Variants in NCKAP5L observed in about 807,000 individuals in gnomAD.
NCKAP5L encodes the protein NCK associated protein 5 like, also known as nck-associated protein 5-like.
NCKAP5L carries 54 observed loss-of-function variants against 103.2 expected under a neutral mutation model. The ratio of observed to expected loss-of-function variants is 0.52; its 90% confidence interval spans 0.42 to 0.66. The LOEUF is 0.66. Ranked by LOEUF, NCKAP5L falls within the 30% of genes least tolerant of loss-of-function variation. The pLI is 0.00. For missense variants in NCKAP5L, 1,733 were observed against 1,750.6 expected (o/e 0.99, Z 0.18); for synonymous variants, 762 against 748.6 (o/e 1.02, Z -0.29).
intron 1 of NCKAP5L, among the ~76,000 whole-genome samples, chr12:49,818,702 C>T (rs561231114): frequency 7.9e-5 from 12 of 151,774 alleles, no homozygotes; most frequent in Admixed American, 5.9e-4. Flanking sequence ...AGTGGGTATA[C>T]GAAAAAATGC....
chr12:49,813,691 C>T (rs1472722202), intron 1 of NCKAP5L, among the ~76,000 whole-genome samples: 4 of 152,106 alleles, frequency 2.6e-5, no homozygotes, highest in African/African-American at 9.7e-5. Context: ...CCACACCTGA[C>T]TAATTTTTGT....
chr12:49,818,144 A>C (rs1365331027), intron 1 of NCKAP5L, among the ~76,000 whole-genome samples: 7 of 151,998 alleles, frequency 4.6e-5, no homozygotes, highest in Admixed American at 2.0e-4. Flanking sequence ...AAAAAAAAAA[A>C]AACAAAAAAA....
chr12:49,816,704 G>T (rs1196724993), intron 1 of NCKAP5L, among the ~76,000 whole-genome samples: 2 of 151,446 alleles, frequency 1.3e-5, no homozygotes, highest in Admixed American at 6.6e-5. Context: ...GGCTGAGGCA[G>T]AAGAATTGCT....
At chr12:49,826,468 G>A (rs1946417567) in intron 1 of NCKAP5L, among the ~76,000 whole-genome samples, 1 of 152,122 alleles carries the variant, frequency 6.6e-6, no homozygotes, top group Non-Finnish European at 1.5e-5. Flanking sequence ...TTAGAATAAG[G>A]GAATCTGTTC....
At chr12:49,802,084 A>G in intron 5 of NCKAP5L, 117 bp from the exon 6 acceptor site, 1 of 1,238,384 alleles carries the variant, frequency 8.1e-7, no homozygotes, top group Non-Finnish European at 1.1e-6. Flanking sequence ...TTCTGGGCAC[A>G]CACTTCCGCT....
In NCKAP5L at chr12:49,792,886, G is replaced by A. The variant is rs1430580966; in HGVS notation, c.3441C>T (p.Thr1147=). 1.3e-6 allele frequency: 2 copies of A among 1,541,174 alleles called. No homozygotes were observed. Among genetic ancestry groups the A allele is most frequent in the African/African-American group, 2.7e-5 (2 of 73,472 alleles). ...GTGGGGGATCCAGCCGCGGTGGCTT[G>A]GTCTTAGGAAGATTCTTGCTGGGGG... ...SGTPSKNLPK[T]KPPRLDPPPG... Residue 1147 remains threonine, a synonymous_variant, in exon 11 of 13, where the codon ACC becomes ACT. Transcript: ENST00000335999. The surrounding 1 kb of genome is among the most constrained non-coding windows in gnomAD (Gnocchi z 4.5).
At chr12:49,810,487 A>G (rs1946228442) in intron 1 of NCKAP5L, among the ~76,000 whole-genome samples, 1 of 152,156 alleles carries the variant, frequency 6.6e-6, no homozygotes, top group Admixed American at 6.5e-5. Flanking sequence ...AGTGGTTCCC[A>G]CAGTGGGGCC....
At chr12:49,825,535 C>A (rs1946406826) in intron 1 of NCKAP5L, among the ~76,000 whole-genome samples, 1 of 152,116 alleles carries the variant, frequency 6.6e-6, no homozygotes, top group Non-Finnish European at 1.5e-5. Context: ...GAGCCACACC[C>A]CAAGAGGGAA....
intron 7 of NCKAP5L, among the ~76,000 whole-genome samples, chr12:49,798,128 C>A (rs1449537476): frequency 3.3e-5 from 5 of 152,214 alleles, no homozygotes; most frequent in Non-Finnish European, 7.3e-5. Context: ...CAGTGCCTGG[C>A]ATGCAGTAAG....
At chr12:49,823,560 T>C (rs1946384367) in intron 1 of NCKAP5L, among the ~76,000 whole-genome samples, 1 of 151,480 alleles carries the variant, frequency 6.6e-6, no homozygotes, top group African/African-American at 2.4e-5. Context: ...AGACCACAGG[T>C]CCTAAGCAGC....
rs1024934154 is a variant in NCKAP5L at position 49,803,248 on chromosome 12, G to A, written c.124-83C>T. On this transcript the variant is annotated intron_variant, in intron 3 of 12. Transcript: ENST00000335999. Reference sequence around the variant, plus strand: ...CAGGGCACATTCCTTTTGGGAAAGGGGAGGCAACTACAGGGGTGCTAACTA... The same window carrying A: ...CAGGGCACATTCCTTTTGGGAAAGGAGAGGCAACTACAGGGGTGCTAACTA... 21 of 1,392,964 alleles carry A rather than the reference G, an allele frequency of 1.5e-5. No homozygotes were observed. In the African/African-American group the frequency reaches 2.7e-4, roughly 18 times the overall value. 86.3% of individuals were successfully genotyped at this position (1,392,964 alleles called of 1,614,324 possible).
At chr12:49,827,904 C>A (rs1307475354) in intron 1 of NCKAP5L, among the ~76,000 whole-genome samples, 2 of 152,216 alleles carry the variant, frequency 1.3e-5, no homozygotes. Flanking sequence ...CCCCTCCCCC[C>A]GCAATAACCC....
intron 1 of NCKAP5L, among the ~76,000 whole-genome samples, chr12:49,822,621 A>G (rs1296319759): frequency 6.8e-6 from 1 of 147,984 alleles, no homozygotes; most frequent in Admixed American, 6.9e-5. Flanking sequence ...ATCTCTGCTC[A>G]CTGCAACCTC....
At chr12:49,806,684 C>T (rs1565592253) in intron 1 of NCKAP5L, among the ~76,000 whole-genome samples, 1 of 152,230 alleles carries the variant, frequency 6.6e-6, no homozygotes, top group South Asian at 2.1e-4. Flanking sequence ...TTTCCCACTC[C>T]TCTGCACACA....
chr12:49,792,284 TG>T lies in NCKAP5L; in HGVS notation c.3792+161del. ...CACGAGAGAAGTGCAAGGAGGGCAGTGGGGAGGGCCGCTCACAGGGCATCCC... is the reference window on the plus strand; with the variant it reads ...CACGAGAGAAGTGCAAGGAGGGCAGTGGGAGGGCCGCTCACAGGGCATCCC... On this transcript the variant is annotated intron_variant, in intron 12 of 12. Transcript: ENST00000335999. This position sits in a 1 kb window ranked among gnomAD's most constrained non-coding sequence, Gnocchi z 4.5. 7.1e-7 allele frequency: 1 copy of T among 1,405,778 alleles called. No individual in the cohort carries two copies. The highest frequency in any genetic ancestry group is 9.7e-7 in the Non-Finnish European group (1 of 1,026,376). 87.1% of individuals were successfully genotyped at this position (1,405,778 alleles called of 1,614,324 possible).
intron 8 of NCKAP5L, 110 bp from the exon 9 acceptor site, chr12:49,794,006 C>G: frequency 2.9e-6 from 3 of 1,045,436 alleles, no homozygotes; most frequent in Non-Finnish European, 3.9e-6. Context: ...TGCCATCCAC[C>G]CCCGGGGAAG....
At position 49,796,471 on chromosome 12, in the gene NCKAP5L, T is replaced by G; in HGVS notation, c.1389A>C (p.Pro463=). The part of the protein sequence containing the change: ...ARGLKFLKLP[P]TSEKSPSPGG... Reference sequence around the variant, plus strand: ...CTGGGCTGGGGCTCTTCTCCGAGGTTGGAGGCAGCTTTAGAAACTTGAGAC... The same window carrying G: ...CTGGGCTGGGGCTCTTCTCCGAGGTGGGAGGCAGCTTTAGAAACTTGAGAC... Residue 463 remains proline (P), a synonymous_variant, in exon 8 of 13, where the codon CCA becomes CCC. Coordinates refer to ENST00000335999, the MANE Select transcript of NCKAP5L (RefSeq NM_001037806.4). The G allele has an allele frequency of 1.3e-6, 2 of 1,532,494 alleles. No homozygotes were observed. The highest frequency in any genetic ancestry group is 1.8e-6 in the Non-Finnish European group (2 of 1,140,814). The allele number at this position is 1,532,494 out of a possible 1,614,324, so 94.9% of individuals were successfully genotyped here.
At chr12:49,807,359 G>A (rs1159601096) in intron 1 of NCKAP5L, among the ~76,000 whole-genome samples, 2 of 152,074 alleles carry the variant, frequency 1.3e-5, no homozygotes, top group South Asian at 2.1e-4. Flanking sequence ...TTTTTAAAGA[G>A]ACAGGGTCTC....
intron 1 of NCKAP5L, among the ~76,000 whole-genome samples, chr12:49,823,107 C>G (rs892473364): frequency 1.3e-5 from 2 of 152,116 alleles, no homozygotes; most frequent in Non-Finnish European, 1.5e-5. Flanking sequence ...GCCCTCCTAA[C>G]CCCAGGCTGT....
Sources: gnomAD v4.1 joint callset for allele counts (sites outside exome capture counted in the v4.1 genomes callset) on GRCh38, gnomAD v4.1.1 for gene constraint, Gnocchi (gnomAD v3.1) non-coding constraint, MANE v1.5 for transcripts, NCBI Gene and HGNC (gene_info 2026-07-23, HGNC 2026-07-21) for gene names.